PARD6G: variants seen among roughly 807,000 people sequenced by gnomAD.
The protein encoded by PARD6G is par-6 family cell polarity regulator gamma, also known as partitioning defective 6 homolog gamma.
Under a neutral mutation model 10.7 loss-of-function variants are expected in PARD6G, and 7 were observed. The ratio of observed to expected loss-of-function variants is 0.66; its 90% CI spans 0.37 to 1.23. PARD6G has a LOEUF of 1.23. PARD6G is among the 50% of genes most tolerant of loss of function. The pLI is 0.02. For synonymous variants in PARD6G, 287 were observed against 269.4 expected, an observed-to-expected ratio of 1.07 and a Z score of -0.64; for missense variants, 548 against 571.8, an observed-to-expected ratio of 0.96 and a Z score of 0.42.
chr18:80,221,315 G>A (rs566034651), intron 1 of PARD6G, among the ~76,000 whole-genome samples: 3 of 152,240 alleles, frequency 2.0e-5, no homozygotes, highest in African/African-American at 7.2e-5. Flanking sequence ...ATCCTCAAGA[G>A]AATACTAGCA....
At chr18:80,234,973 T>C (rs1262247795) in intron 1 of PARD6G, among the ~76,000 whole-genome samples, 2 of 151,816 alleles carry the variant, frequency 1.3e-5, no homozygotes, top group Non-Finnish European at 1.5e-5. Context: ...AACAAGGATA[T>C]CCAGGAATTG....
chr18:80,182,085 CAG>C lies in PARD6G; in HGVS notation c.295+20623_295+20624del, dbSNP rs1287060596. On this transcript the variant is annotated intron_variant, in intron 2 of 2. Coordinates refer to ENST00000353265, the MANE Select transcript of PARD6G (RefSeq NM_032510.4). The surrounding 1 kb of genome is among the most constrained non-coding windows in gnomAD (Gnocchi z 4.5). ...AGCAACACAGCTGGGTAGGGCCCAG[CAG>C]AGTCTCACCCCAAGCTCCCCAGCTG... is the stretch of plus-strand genomic sequence containing the variant. 1.3e-5 allele frequency among the ~76,000 whole-genome samples: 2 copies of C among 152,220 alleles called. No individual in the cohort carries two copies. Among genetic ancestry groups the C allele is most frequent in the African/African-American group, 4.8e-5 (2 of 41,452 alleles).
At chr18:80,214,200 GT>G (rs1967137753) in intron 1 of PARD6G, among the ~76,000 whole-genome samples, 3 of 152,184 alleles carry the variant, frequency 2.0e-5, no homozygotes, top group African/African-American at 7.2e-5. Flanking sequence ...GCTCACGCCT[GT>G]AATCCCAGCA....
intron 2 of PARD6G, among the ~76,000 whole-genome samples, chr18:80,168,427 CAA>C (rs1190327186): frequency 3.3e-5 from 5 of 151,976 alleles, no homozygotes; most frequent in African/African-American, 1.2e-4. Flanking sequence ...TACCTTTTTA[CAA>C]GAAAAAAATT....
rs2052669746 is a variant in PARD6G at position 80,158,349 on chromosome 18, C to A, written c.*1422G>T. On this transcript the variant is annotated 3_prime_UTR_variant, in exon 3 of 3. Transcript: ENST00000353265. ...CTGCATTCTCAAAGACATTGCTGGACATGTGCGATGCTTATCCTTCATTTC... is the reference window on the plus strand; with the variant it reads ...CTGCATTCTCAAAGACATTGCTGGAAATGTGCGATGCTTATCCTTCATTTC... 1 of 152,204 alleles carries A rather than the reference C, an allele frequency of 6.6e-6. No homozygotes were observed. The highest frequency in any genetic ancestry group is 2.4e-5 in the African/African-American group (1 of 41,444). 9.4% of individuals were successfully genotyped at this position (152,204 alleles called of 1,614,324 possible). A position where few individuals can be genotyped will look rare whatever the true frequency, so the allele number is the denominator to read the frequency against.
chr18:80,243,205 G>C (rs1967508269), intron 1 of PARD6G, among the ~76,000 whole-genome samples: 1 of 152,048 alleles, frequency 6.6e-6, no homozygotes, highest in African/African-American at 2.4e-5. Flanking sequence ...AAAAATTGGG[G>C]TTAACTTAAG....
rs1394771614 is a variant in PARD6G, at chr18:80,247,300, T to C, written c.49A>G (p.Ser17Gly). The C allele has an allele frequency of 6.3e-7, 1 of 1,584,862 alleles. No individual in the cohort carries two copies. Among genetic ancestry groups the C allele is most frequent in the Non-Finnish European group, 8.6e-7 (1 of 1,166,448 alleles). Reference protein sequence around the residue: ...KSQTLRFYDCSAVEVKSKFGA... With the variant: ...KSQTLRFYDCGAVEVKSKFGA... ...ACCTTGCTCTTGACTTCCACTGCGC[T>C]GCAATCGTAGAATCGCAAGGTCTGA... Residue 17 changes from serine (S) to glycine (G), a missense_variant, in exon 1 of 3, where the codon AGC becomes GGC. Physicochemically the swap from Ser to Gly is moderately conservative, Grantham distance 56. Around this residue, in one of 2 missense-constraint regions of PARD6G, gnomAD observed 235 missense variants for 291.9 expected, o/e 0.81. Coordinates refer to ENST00000353265, the MANE Select transcript of PARD6G (RefSeq NM_032510.4). This position sits in a 1 kb window ranked among gnomAD's most constrained non-coding sequence, Gnocchi z 4.2.
chr18:80,196,268 G>A (rs868500250), intron 2 of PARD6G, among the ~76,000 whole-genome samples: 5 of 152,048 alleles, frequency 3.3e-5, no homozygotes, highest in South Asian at 2.1e-4. Flanking sequence ...GTAAAACTAC[G>A]TCCAACTAAC....
intron 1 of PARD6G, among the ~76,000 whole-genome samples, chr18:80,204,626 C>T (rs1967038516): frequency 6.6e-6 from 1 of 152,028 alleles, no homozygotes; most frequent in African/African-American, 2.4e-5. Context: ...AAAAAAATCT[C>T]CAGGGCCTAC....
intron 1 of PARD6G, among the ~76,000 whole-genome samples, chr18:80,224,548 T>C (rs896796294): frequency 1.3e-5 from 2 of 152,046 alleles, no homozygotes; most frequent in African/African-American, 2.4e-5. Context: ...AGCTTCCCAA[T>C]TGAAAGTGAC....
At chr18:80,160,758 C>G in intron 2 of PARD6G, 152 bp from the exon 3 acceptor site, 1 of 1,160,766 alleles carries the variant, frequency 8.6e-7, no homozygotes, top group Non-Finnish European at 1.1e-6. Context: ...GAGCTGAAAT[C>G]AGGCAAGCTC....
In PARD6G at chr18:80,183,136, G is replaced by A. The variant is rs191086048; in HGVS notation, c.295+19574C>T. The stretch of plus-strand genomic sequence containing the variant: ...GAGCTGAAGAGTCAGGTTCCTGGTC[G>A]CAGGGCTCCGTCATCTGCAGGAAAA... On this transcript the variant is annotated intron_variant, in intron 2 of 2. Transcript: ENST00000353265. This position sits in a 1 kb window ranked among gnomAD's most constrained non-coding sequence, Gnocchi z 4.5. 1.5e-3 allele frequency: 1,049 copies of A among 702,952 alleles called. 5 individuals carry two copies. Among genetic ancestry groups the A allele is most frequent in the Middle Eastern group, 0.012 (53 of 4,362 alleles). The allele number at this position is 702,952 out of a possible 1,614,324, so 43.5% of individuals were successfully genotyped here.
intron 2 of PARD6G, among the ~76,000 whole-genome samples, chr18:80,185,867 T>C (rs1599855101): frequency 1.2e-5 from 1 of 80,478 alleles, no homozygotes; most frequent in Non-Finnish European, 2.4e-5. Flanking sequence ...CCCTCTCGCA[T>C]ATACTGTCAC....
chr18:80,207,358 T>A (rs1285683358), intron 1 of PARD6G, among the ~76,000 whole-genome samples: 1 of 150,686 alleles, frequency 6.6e-6, no homozygotes, highest in African/African-American at 2.4e-5. Flanking sequence ...ATTCTTCCGA[T>A]GTTTATTTGG....
At chr18:80,163,534 C>T (rs1158663985) in intron 2 of PARD6G, among the ~76,000 whole-genome samples, 1 of 152,204 alleles carries the variant, frequency 6.6e-6, no homozygotes, top group Non-Finnish European at 1.5e-5. Flanking sequence ...GGAGCCCCAC[C>T]CCTGTTCCGC....
intron 1 of PARD6G, among the ~76,000 whole-genome samples, chr18:80,232,525 A>G (rs1221153714): frequency 6.6e-6 from 1 of 152,136 alleles, no homozygotes; most frequent in Non-Finnish European, 1.5e-5. Flanking sequence ...GAAGATATGA[A>G]AGTGGAAACC....
chr18:80,197,540 G>C (rs1966969363), intron 2 of PARD6G: 1 of 152,206 alleles, frequency 6.6e-6, no homozygotes, highest in Non-Finnish European at 1.5e-5. Context: ...AAGGAGTTCA[G>C]AGTGCTCTGT....
At chr18:80,190,971 C>T (rs1014966024) in intron 2 of PARD6G, among the ~76,000 whole-genome samples, 4 of 152,202 alleles carry the variant, frequency 2.6e-5, no homozygotes, top group African/African-American at 9.7e-5. Context: ...GGGAACGACC[C>T]ACCAGGGGCC....
chr18:80,212,296 T>C (rs1337576028), intron 1 of PARD6G, among the ~76,000 whole-genome samples: 1 of 152,118 alleles, frequency 6.6e-6, no homozygotes, highest in African/African-American at 2.4e-5. Flanking sequence ...CTGGGATAGG[T>C]CCTAGTCACT....
Sources: allele counts gnomAD v4.1 joint callset (sites outside exome capture counted in the v4.1 genomes callset), GRCh38; gene constraint gnomAD v4.1.1; regional missense constraint gnomAD v4.1.1; non-coding constraint Gnocchi (gnomAD v3.1); transcripts MANE v1.5; gene names NCBI Gene and HGNC (gene_info 2026-07-23, HGNC 2026-07-21).